Variants in CSMD1 observed in about 807,000 individuals in gnomAD.
The protein encoded by CSMD1 is CUB and sushi domain-containing protein 1.
A neutral mutation model predicts 417.5 loss-of-function variants in CSMD1; 213 were observed. The observed-to-expected ratio is 0.51, with a 90% CI of 0.46 to 0.57. The LOEUF is 0.57. CSMD1 is among the 20% of genes least tolerant of loss of function. The probability of loss-of-function intolerance (pLI) is 0.00; values close to 1 mark genes in which losing one functional copy is unlikely to be tolerated. For missense variants in CSMD1, 6,923 were observed against 4,529.7 expected (o/e 1.53, Z -15.17); for synonymous variants, 2,862 against 1,736.8 (o/e 1.65, Z -16.11).
At chr8:3,485,195 C>A (rs1316917005) in intron 11 of CSMD1, among the ~76,000 whole-genome samples, 1 of 152,128 alleles carries the variant, frequency 6.6e-6, no homozygotes, top group Non-Finnish European at 1.5e-5. Flanking sequence ...AACTGTGGAA[C>A]ATTCATACCT....
At chr8:3,183,395 T>C (rs56037419) in intron 36 of CSMD1, among the ~76,000 whole-genome samples, 19,716 of 121,898 alleles carry the variant, frequency 0.16, 2,790 homozygotes, top group South Asian at 0.22. Context: ...CGTCACGAAC[T>C]GAACGCCTAA....
At chr8:3,763,687 G>T (rs537094667) in intron 5 of CSMD1, among the ~76,000 whole-genome samples, 68 of 152,248 alleles carry the variant, frequency 4.5e-4, no homozygotes, top group African/African-American at 1.6e-3. Context: ...AAGTGCCTTT[G>T]TGGCTAAACA....
At chr8:3,643,916 C>G (rs1009353367) in intron 7 of CSMD1, among the ~76,000 whole-genome samples, 2 of 151,966 alleles carry the variant, frequency 1.3e-5, no homozygotes, top group African/African-American at 4.8e-5. Context: ...ATGAACAAAA[C>G]CTAAAGGGAT....
intron 1 of CSMD1, among the ~76,000 whole-genome samples, chr8:4,911,844 C>G (rs943431476): frequency 1.3e-5 from 2 of 152,118 alleles, no homozygotes; most frequent in Admixed American, 6.5e-5. Flanking sequence ...TCATTTCTCT[C>G]CAAATAAATT....
At chr8:4,326,474 G>T (rs1459232761) in intron 3 of CSMD1, among the ~76,000 whole-genome samples, 1 of 152,148 alleles carries the variant, frequency 6.6e-6, no homozygotes. Flanking sequence ...CTTGACATAA[G>T]GAAGTATCAA....
At chr8:3,450,709 T>C (rs1585182933) in intron 12 of CSMD1, among the ~76,000 whole-genome samples, 1 of 152,250 alleles carries the variant, frequency 6.6e-6, no homozygotes, top group East Asian at 1.9e-4. Flanking sequence ...TAATCCAGTC[T>C]ATCATTGTTG....
chr8:3,424,416 C>T (rs1813691682), intron 12 of CSMD1, among the ~76,000 whole-genome samples: 1 of 152,208 alleles, frequency 6.6e-6, no homozygotes, highest in Non-Finnish European at 1.5e-5. Context: ...CCAAGCAAAA[C>T]ATACCACAAG....
chr8:4,593,489 C>G (rs576510763), intron 2 of CSMD1, among the ~76,000 whole-genome samples: 1 of 152,132 alleles, frequency 6.6e-6, no homozygotes, highest in Admixed American at 6.5e-5. Context: ...AAAGAGAACG[C>G]TTTTAGAGTC....
chr8:3,002,929 C>A (rs998903935), intron 52 of CSMD1, among the ~76,000 whole-genome samples: 5 of 152,204 alleles, frequency 3.3e-5, no homozygotes, highest in East Asian at 1.9e-4. Context: ...CATTTTACCT[C>A]CTTGCCTGAA....
At chr8:3,036,240 T>C (rs2128980808) in intron 50 of CSMD1, among the ~76,000 whole-genome samples, 1 of 152,314 alleles carries the variant, frequency 6.6e-6, no homozygotes, top group Non-Finnish European at 1.5e-5. Context: ...TAAACATTGC[T>C]TTAAGATATT....
intron 1 of CSMD1, among the ~76,000 whole-genome samples, chr8:4,849,428 C>G (rs1032788307): frequency 6.6e-6 from 1 of 151,818 alleles, no homozygotes; most frequent in Non-Finnish European, 1.5e-5. Flanking sequence ...TTGCTATACC[C>G]TCAGTGTACA....
intron 36 of CSMD1, among the ~76,000 whole-genome samples, chr8:3,181,848 G>A (rs758484473): frequency 6.6e-5 from 10 of 152,164 alleles, no homozygotes; most frequent in Non-Finnish European, 1.2e-4. Flanking sequence ...AGATACCGAG[G>A]ACCAGGGTAA....
intron 1 of CSMD1, among the ~76,000 whole-genome samples, chr8:4,722,960 C>G (rs1227064836): frequency 6.6e-6 from 1 of 152,080 alleles, no homozygotes; most frequent in Non-Finnish European, 1.5e-5. Context: ...GGGGTTTCAG[C>G]TTAGAGTGCT....
At chr8:4,299,051 A>G (rs189760256) in intron 3 of CSMD1, among the ~76,000 whole-genome samples, 1 of 152,282 alleles carries the variant, frequency 6.6e-6, no homozygotes, top group Admixed American at 6.5e-5. Flanking sequence ...GGAAATAAAT[A>G]TTCTCCTGTT....
intron 23 of CSMD1, among the ~76,000 whole-genome samples, chr8:3,339,196 T>C (rs112485419): frequency 0.052 from 7,909 of 152,164 alleles, 638 homozygotes; most frequent in African/African-American, 0.18. Context: ...TAGTATTCCA[T>C]GGTGTATATG....
intron 2 of CSMD1, among the ~76,000 whole-genome samples, chr8:4,513,403 G>C (rs561077678): frequency 5.0e-4 from 76 of 152,252 alleles, no homozygotes; most frequent in Non-Finnish European, 9.4e-4. Flanking sequence ...AGTAGCACCT[G>C]TAAAATTTTA....
chr8:4,223,015 A>G (rs1421520881), intron 3 of CSMD1, among the ~76,000 whole-genome samples: 2 of 152,186 alleles, frequency 1.3e-5, no homozygotes, highest in South Asian at 2.1e-4. Context: ...AGACAAAAAC[A>G]TAATAATAAG....
At chr8:3,251,883 A>G (rs1800293106) in intron 26 of CSMD1, among the ~76,000 whole-genome samples, 1 of 152,176 alleles carries the variant, frequency 6.6e-6, no homozygotes. Context: ...GTTGGTGTAT[A>G]AGAATGCTTG....
chr8:4,037,378 C>A (rs1169481258), intron 3 of CSMD1, among the ~76,000 whole-genome samples: 6 of 152,222 alleles, frequency 3.9e-5, no homozygotes, highest in Non-Finnish European at 5.9e-5. Flanking sequence ...CAATGGCCAT[C>A]AGCTCCACGC....
Sources: allele counts gnomAD v4.1 joint callset (sites outside exome capture counted in the v4.1 genomes callset), GRCh38; gene constraint gnomAD v4.1.1; transcripts MANE v1.5; gene names NCBI Gene and HGNC (gene_info 2026-07-23, HGNC 2026-07-21).